The following DCC variants were observed in gnomAD, a reference collection of about 807,000 sequenced individuals.
The protein encoded by DCC is DCC netrin 1 receptor, also known as netrin receptor DCC.
DCC carries 58 observed loss-of-function variants against 172.5 expected under a neutral mutation model. That is an observed-to-expected ratio of 0.34 (90% CI 0.27 to 0.42). The LOEUF (loss-of-function observed/expected upper bound fraction) is 0.42. Ranked by LOEUF, DCC falls within the 10% of genes least tolerant of loss-of-function variation. The pLI is 1.00. For missense variants in DCC, 1,740 were observed against 1,791.0 expected (o/e 0.97, Z 0.51); for synonymous variants, 709 against 644.5 (o/e 1.10, Z -1.52).
Position 52,796,159 on chromosome 18 carries a change from T to TTA in DCC, c.412+43787_412+43788dup, listed in dbSNP as rs142070328. On this transcript the variant is annotated intron_variant, in intron 2 of 28. Coordinates refer to ENST00000442544, the MANE Select transcript of DCC (RefSeq NM_005215.4). ...GGTCTTTATAGGTGGAGTTAGTTTC[T>TTA]TATCGGTGGCATATAGCTGAGTCAT... Among the ~76,000 whole-genome samples the TTA allele has an allele frequency of 3.2e-3, 485 of 152,008 alleles. 2 individuals carry two copies. The highest frequency in any genetic ancestry group is 0.011 in the African/African-American group (447 of 41,526).
chr18:53,227,074 C>T (rs987234791), intron 12 of DCC, among the ~76,000 whole-genome samples: 2 of 149,736 alleles, frequency 1.3e-5, no homozygotes, highest in Non-Finnish European at 3.0e-5. Context: ...CTTAGCCTCC[C>T]GAGTAGCTGG....
intron 1 of DCC, among the ~76,000 whole-genome samples, chr18:52,473,280 G>A (rs1465865148): frequency 1.5e-4 from 23 of 152,106 alleles, no homozygotes; most frequent in Non-Finnish European, 7.4e-5. Context: ...GGAAAAGCAG[G>A]ACAAAGTGGC....
chr18:52,806,710 C>T (rs1252752075), intron 2 of DCC, among the ~76,000 whole-genome samples: 1 of 152,166 alleles, frequency 6.6e-6, no homozygotes, highest in Non-Finnish European at 1.5e-5. Flanking sequence ...CACTTTATGG[C>T]TTCTTCCGGT....
intron 1 of DCC, among the ~76,000 whole-genome samples, chr18:52,614,091 T>A (rs1761905597): frequency 6.6e-6 from 1 of 152,168 alleles, no homozygotes; most frequent in African/African-American, 2.4e-5. Flanking sequence ...TCTGCCAGCC[T>A]TTTGGAATCA....
chr18:52,762,209 C>T (rs1430024212), intron 2 of DCC, among the ~76,000 whole-genome samples: 2 of 152,148 alleles, frequency 1.3e-5, no homozygotes, highest in East Asian at 1.9e-4. Context: ...CATGGTGGCT[C>T]ATGCCTGTAA....
chr18:52,686,774 T>C (rs2035843189), intron 1 of DCC, among the ~76,000 whole-genome samples: 1 of 152,096 alleles, frequency 6.6e-6, no homozygotes. Context: ...TGGAGATAAA[T>C]CAACTAGTAT....
intron 5 of DCC, among the ~76,000 whole-genome samples, chr18:52,936,637 C>T (rs2040385193): frequency 1.8e-5 from 1 of 57,120 alleles, no homozygotes; most frequent in Non-Finnish European, 5.3e-5. Flanking sequence ...TTTTAATTAT[C>T]CCTAACAATC....
At chr18:53,236,387 T>A (rs957411997) in intron 12 of DCC, among the ~76,000 whole-genome samples, 1 of 152,134 alleles carries the variant, frequency 6.6e-6, no homozygotes, top group African/African-American at 2.4e-5. Flanking sequence ...CACATTACTT[T>A]AGGTTGAATT....
intron 1 of DCC, among the ~76,000 whole-genome samples, chr18:52,578,918 T>C (rs913176134): frequency 6.6e-6 from 1 of 151,950 alleles, no homozygotes; most frequent in Non-Finnish European, 1.5e-5. Context: ...GAGGTGGAGG[T>C]TGCAGTGAGC....
chr18:52,714,856 T>G (rs570626408), intron 1 of DCC, among the ~76,000 whole-genome samples: 1 of 152,358 alleles, frequency 6.6e-6, no homozygotes, highest in Admixed American at 6.5e-5. Flanking sequence ...TTGTCTTTGA[T>G]AGTCAAAATG....
At chr18:52,650,478 C>A (rs1022635430) in intron 1 of DCC, among the ~76,000 whole-genome samples, 20 of 152,182 alleles carry the variant, frequency 1.3e-4, no homozygotes, top group Non-Finnish European at 2.1e-4. Context: ...CCATTTCCAC[C>A]AACAGTGTAT....
chr18:53,229,740 C>T (rs1392115064), intron 12 of DCC, among the ~76,000 whole-genome samples: 1 of 151,988 alleles, frequency 6.6e-6, no homozygotes, highest in Non-Finnish European at 1.5e-5. Flanking sequence ...TCTCAATTCC[C>T]TCTGTAGGCT....
rs112272596 is a variant in DCC, at chr18:53,127,488, A to G, written c.1262-29868A>G. On this transcript the variant is annotated intron_variant, in intron 7 of 28. Coordinates refer to ENST00000442544, the MANE Select transcript of DCC (RefSeq NM_005215.4). Reference sequence around the variant, plus strand: ...CAGGGTCCCTAGAAATCCACATTCAATGGTTTTAAATTTTGCAAATGTTGC... The same window carrying G: ...CAGGGTCCCTAGAAATCCACATTCAGTGGTTTTAAATTTTGCAAATGTTGC... 7.9e-3 allele frequency among the ~76,000 whole-genome samples: 1,203 copies of G among 152,100 alleles called. 17 individuals are homozygous for G. Among genetic ancestry groups the G allele is most frequent in the African/African-American group, 0.027 (1,119 of 41,496 alleles).
At chr18:53,440,065 G>A (rs1260946219) in intron 22 of DCC, among the ~76,000 whole-genome samples, 2 of 152,070 alleles carry the variant, frequency 1.3e-5, no homozygotes, top group South Asian at 2.1e-4. Context: ...GCGCCCGGCC[G>A]TATTTTTCTT....
chr18:53,028,158 G>A (rs1004870795), intron 5 of DCC, among the ~76,000 whole-genome samples: 6 of 152,174 alleles, frequency 3.9e-5, no homozygotes, highest in Admixed American at 6.6e-5. Flanking sequence ...ACATGGGCAC[G>A]TTCAACTCAG....
At chr18:53,362,872 A>C (rs534806919) in intron 15 of DCC, among the ~76,000 whole-genome samples, 1 of 152,170 alleles carries the variant, frequency 6.6e-6, no homozygotes, top group Non-Finnish European at 1.5e-5. Flanking sequence ...TAATACATGC[A>C]TTATGAACAA....
chr18:53,284,395 CT>C (rs2056910823), intron 12 of DCC, among the ~76,000 whole-genome samples: 2 of 152,042 alleles, frequency 1.3e-5, no homozygotes, highest in South Asian at 4.1e-4. Context: ...CTTTCCCGTG[CT>C]GTTTTTGTGA....
At chr18:52,366,373 T>G (rs1019337213) in intron 1 of DCC, among the ~76,000 whole-genome samples, 1 of 152,200 alleles carries the variant, frequency 6.6e-6, no homozygotes, top group African/African-American at 2.4e-5. Context: ...CCGAGCGGGT[T>G]GCCAATGCTG....
intron 2 of DCC, among the ~76,000 whole-genome samples, chr18:52,861,634 A>G (rs555972059): frequency 1.9e-4 from 29 of 151,720 alleles, no homozygotes; most frequent in African/African-American, 6.7e-4. Flanking sequence ...AATATAAAAA[A>G]GAATCATTAA....
Sources: gnomAD v4.1 joint callset for allele counts (sites outside exome capture counted in the v4.1 genomes callset) on GRCh38, gnomAD v4.1.1 for gene constraint, MANE v1.5 for transcripts, NCBI Gene and HGNC (gene_info 2026-07-23, HGNC 2026-07-21) for gene names.